SHOX: variants seen among roughly 807,000 people sequenced by gnomAD.
The protein encoded by SHOX is short stature homeobox protein.
Under a neutral mutation model 29.6 loss-of-function variants are expected in SHOX, and 12 were observed. That is an observed-to-expected ratio of 0.41 (90% CI 0.26 to 0.66). SHOX has a LOEUF of 0.66. Among genes scored for constraint, SHOX ranks in the 30% least tolerant of loss-of-function variants. The pLI is 0.35. For synonymous variants in SHOX, 214 were observed against 200.6 expected, an observed-to-expected ratio of 1.07 and a Z score of -0.57; for missense variants, 499 against 437.7, an observed-to-expected ratio of 1.14 and a Z score of -1.25.
intron 1 of SHOX, among the ~76,000 whole-genome samples, chrX:631,711 T>C (rs1194736337): frequency 6.6e-6 from 1 of 152,166 alleles, no homozygotes; most frequent in Non-Finnish European, 1.5e-5. Context: ...TTTGTGCTTT[T>C]AGTAAAGACG....
intron 2 of SHOX, among the ~76,000 whole-genome samples, chrX:637,797 C>G (rs1186651076): frequency 6.6e-6 from 1 of 152,152 alleles, no homozygotes; most frequent in Admixed American, 6.5e-5. Context: ...CTCAGTACAG[C>G]CCGTCCCGTG....
chrX:635,547 T>C (rs1198639209), intron 2 of SHOX, among the ~76,000 whole-genome samples: 1 of 152,116 alleles, frequency 6.6e-6, no homozygotes. Context: ...AGGAGCACGT[T>C]GGGCATCTGG....
At chrX:636,275 C>T (rs1040860025) in intron 2 of SHOX, among the ~76,000 whole-genome samples, 15 of 135,836 alleles carry the variant, frequency 1.1e-4, no homozygotes, top group African/African-American at 4.3e-4. Flanking sequence ...AATATATAAA[C>T]ATATATAATA....
downstream of SHOX, among the ~76,000 whole-genome samples, chrX:655,843 G>A (rs1363065072): frequency 1.3e-5 from 2 of 151,920 alleles, no homozygotes; most frequent in South Asian, 2.1e-4. Flanking sequence ...CAAAAGACAC[G>A]CTGAGAAAGG....
chrX:642,869 A>G (rs915065458), intron 4 of SHOX, among the ~76,000 whole-genome samples: 8 of 146,582 alleles, frequency 5.5e-5, no homozygotes, highest in Admixed American at 6.8e-5. Flanking sequence ...AGGCTTGGAG[A>G]TCTGTTGTCC....
intron 5 of SHOX, among the ~76,000 whole-genome samples, chrX:656,778 C>A (rs910403281): frequency 6.6e-6 from 1 of 151,348 alleles, no homozygotes; most frequent in Non-Finnish European, 1.5e-5. Flanking sequence ...GGGAGGCGGA[C>A]CATGCAGTGA....
At chrX:631,583 G>A (rs1459988965) in intron 1 of SHOX, among the ~76,000 whole-genome samples, 4 of 152,154 alleles carry the variant, frequency 2.6e-5, no homozygotes, top group Non-Finnish European at 5.9e-5. Context: ...CCAGGCTGGA[G>A]TGCAGTGGTG....
chrX:634,216 C>T (rs760722295), intron 1 of SHOX, among the ~76,000 whole-genome samples: 12 of 152,340 alleles, frequency 7.9e-5, no homozygotes, highest in South Asian at 2.1e-4. Context: ...CTGCAACCCG[C>T]CCCGGGTCCT....
At chrX:624,881 T>TCTTTC (rs2052482768) in intron 1 of SHOX, among the ~76,000 whole-genome samples, 1 of 79,006 alleles carries the variant, frequency 1.3e-5, no homozygotes, top group Non-Finnish European at 2.4e-5. Context: ...TTTCTTTCTT[T>TCTTTC]CTTTCTTTCT....
rs188372244 is a variant in SHOX, at chrX:658,867, C to T, written c.*38C>T. 856 of 359,018 alleles carry T rather than the reference C, an allele frequency of 2.4e-3. 8 individuals carry two copies. The highest frequency in any genetic ancestry group is 0.013 in the African/African-American group (607 of 45,198). The allele number at this position is 359,018 out of a possible 1,614,324, so 22.2% of individuals were successfully genotyped here. A position where few individuals can be genotyped will look rare whatever the true frequency, so the allele number is the denominator to read the frequency against. ...GCAACCTCCGCCTCCCGAGTTCAAGCGATTCTCCTGCCTCAGCCTCCCGAG... is the reference window on the plus strand; with the variant it reads ...GCAACCTCCGCCTCCCGAGTTCAAGTGATTCTCCTGCCTCAGCCTCCCGAG... On this transcript the variant is annotated 3_prime_UTR_variant, in exon 6 of 6. Coordinates refer to the SHOX transcript ENST00000334060.
upstream of SHOX, among the ~76,000 whole-genome samples, chrX:626,994 CCTCT>C (rs1328343399): frequency 5.9e-5 from 9 of 151,368 alleles, no homozygotes; most frequent in African/African-American, 9.7e-5. Context: ...CTCTCTCTCT[CCTCT>C]CTCTCTGTCT....
At chrX:638,796 A>T (rs2052801067) in intron 2 of SHOX, among the ~76,000 whole-genome samples, 2 of 152,172 alleles carry the variant, frequency 1.3e-5, no homozygotes, top group Non-Finnish European at 2.9e-5. Flanking sequence ...GGGCCGAGGG[A>T]CCCAGCACGT....
At chrX:625,385 G>C (rs2052504649) in intron 1 of SHOX, among the ~76,000 whole-genome samples, 1 of 151,978 alleles carries the variant, frequency 6.6e-6, no homozygotes, top group Non-Finnish European at 1.5e-5. Context: ...TTTCATACAG[G>C]GAGGCGGTCA....
At position 634,650 on chromosome X, in the gene SHOX, G is replaced by A. The variant is rs2052709849; in HGVS notation, c.310G>A (p.Val104Met). 1 of 1,613,886 alleles carries A rather than the reference G, an allele frequency of 6.2e-7. No homozygotes were observed. Among genetic ancestry groups the A allele is most frequent in the Non-Finnish European group, 8.5e-7 (1 of 1,179,868 alleles). Residue 104 changes from valine to methionine, a missense_variant, in exon 2 of 5, where the codon GTG becomes ATG. Val to Met is a conservative substitution (Grantham distance 21). Coordinates refer to ENST00000686671, the MANE Select transcript of SHOX (RefSeq NM_000451.4). ...TGAATGCAAAGAGAAGCGCGAGGAC[G>A]TGAAGTCGGAGGACGAGGACGGGCA... Reference protein sequence around the residue: ...IYECKEKREDVKSEDEDGQTK... With the variant: ...IYECKEKREDMKSEDEDGQTK...
At chrX:628,602 T>C, upstream of SHOX, among the ~76,000 whole-genome samples, 1 of 61,834 alleles carries the variant, frequency 1.6e-5, no homozygotes, top group African/African-American at 6.3e-5. Context: ...TCTTTCTCTC[T>C]CTCCATCTCT....
At position 650,805 on chromosome X, in the gene SHOX, A is replaced by AAC. The variant is rs1556473151; in HGVS notation, c.*6170_*6171insCA. On this transcript the variant is annotated 3_prime_UTR_variant, in exon 5 of 5. Transcript: ENST00000686671. ...CACGTTTGACATTAAAAAAAAAAAA[A>AAC]AAAAAAAAAAAAAACTGGTGCCTAA... 1.2e-3 allele frequency among the ~76,000 whole-genome samples: 177 copies of AAC among 146,200 alleles called. 3 individuals are homozygous for AAC. Among genetic ancestry groups the AAC allele is most frequent in the Middle Eastern group, 3.5e-3 (1 of 286 alleles).
chrX:637,377 ATTAC>A (rs2052776948), intron 2 of SHOX, among the ~76,000 whole-genome samples: 1 of 152,084 alleles, frequency 6.6e-6, no homozygotes, highest in Non-Finnish European at 1.5e-5. Flanking sequence ...ATAAAAATAA[ATTAC>A]TTGTAATTTA....
Position 631,155 on chromosome X carries a change from C to T in SHOX, c.258C>T (p.Gly86=). Residue 86 remains glycine, a synonymous_variant, in exon 1 of 5, where the codon GGC becomes GGT. Transcript: ENST00000686671. Reference sequence around the variant, plus strand: ...ACAAGGAGAAACTGAAAGAATTCGGCACCGCGAGAGTGGCAGAAGGTAAGT... The same window carrying T: ...ACAAGGAGAAACTGAAAGAATTCGGTACCGCGAGAGTGGCAGAAGGTAAGT... ...DNDKEKLKEF[G]TARVAEGIYE... is the part of the protein sequence containing the mutation. 6.2e-7 allele frequency: 1 copy of T among 1,613,024 alleles called. No individual in the cohort carries two copies. Among genetic ancestry groups the T allele is most frequent in the South Asian group, 1.1e-5 (1 of 91,074 alleles).
upstream of SHOX, among the ~76,000 whole-genome samples, chrX:629,471 G>C (rs1339163003): frequency 2.4e-5 from 3 of 123,508 alleles, no homozygotes; most frequent in African/African-American, 9.3e-5. Flanking sequence ...CTTTCTCTCT[G>C]TCTTTCCTTG....
Sources: allele counts gnomAD v4.1 joint callset (sites outside exome capture counted in the v4.1 genomes callset), GRCh38; gene constraint gnomAD v4.1.1; transcripts MANE v1.5; gene names NCBI Gene and HGNC (gene_info 2026-07-23, HGNC 2026-07-21).